The following PACS1 variants were observed in gnomAD, a reference collection of about 807,000 sequenced individuals.
PACS1 encodes phosphofurin acidic cluster sorting protein 1.
A neutral mutation model predicts 115.0 loss-of-function variants in PACS1; 24 were observed. The observed-to-expected ratio is 0.21, with a 90% CI of 0.15 to 0.29. The LOEUF (loss-of-function observed/expected upper bound fraction) is 0.29, where lower values mean the gene tolerates loss of function less well. PACS1 is among the 10% of genes least tolerant of loss of function. The pLI is 1.00. For missense variants in PACS1, 838 were observed against 1,251.2 expected (o/e 0.67, Z 4.98); for synonymous variants, 453 against 504.5 (o/e 0.90, Z 1.37).
intron 1 of PACS1, among the ~76,000 whole-genome samples, chr11:66,080,675 C>G (rs1454670680): frequency 6.6e-6 from 1 of 152,126 alleles, no homozygotes; most frequent in South Asian, 2.1e-4. Context: ...GACACCAGAG[C>G]CGTTTCTGTG....
chr11:66,138,491 T>C (rs1858899254), intron 1 of PACS1, among the ~76,000 whole-genome samples: 1 of 152,102 alleles, frequency 6.6e-6, no homozygotes, highest in African/African-American at 2.4e-5. Flanking sequence ...CCCCACGAAG[T>C]GTGTGAGGAG....
chr11:66,241,825 C>T (rs1464089323), intron 22 of PACS1, among the ~76,000 whole-genome samples, 172 bp downstream of exon 22: 1 of 152,226 alleles, frequency 6.6e-6, no homozygotes, highest in South Asian at 2.1e-4. Context: ...CAAGGCCATT[C>T]CTTCTGTCAT....
intron 2 of PACS1, among the ~76,000 whole-genome samples, chr11:66,198,257 A>G (rs1023613480): frequency 5.9e-5 from 9 of 152,162 alleles, no homozygotes; most frequent in African/African-American, 2.2e-4. Flanking sequence ...TAGCAATTCT[A>G]CTCCTAGGTA....
At chr11:66,109,519 A>G (rs1404421912) in intron 1 of PACS1, among the ~76,000 whole-genome samples, 1 of 152,196 alleles carries the variant, frequency 6.6e-6, no homozygotes, top group Non-Finnish European at 1.5e-5. Context: ...GTCATCACCC[A>G]TCTTTATAGT....
chr11:66,210,770 C>G (rs1855052202), intron 3 of PACS1, among the ~76,000 whole-genome samples: 1 of 152,260 alleles, frequency 6.6e-6, no homozygotes, highest in South Asian at 2.1e-4. Context: ...GTGCCACCAT[C>G]AGCCTCCACG....
intron 1 of PACS1, among the ~76,000 whole-genome samples, chr11:66,134,542 T>C (rs1858796188): frequency 6.7e-6 from 1 of 148,984 alleles, no homozygotes; most frequent in Non-Finnish European, 1.5e-5. Flanking sequence ...TAGGGACAGA[T>C]GGGTTTGTGT....
chr11:66,214,088 T>G (rs1174656231), intron 4 of PACS1, among the ~76,000 whole-genome samples: 1 of 149,298 alleles, frequency 6.7e-6, no homozygotes, highest in Non-Finnish European at 1.5e-5. Flanking sequence ...CATGTACTCA[T>G]TGGTGCAGCT....
intron 19 of PACS1, among the ~76,000 whole-genome samples, chr11:66,237,212 C>T (rs1002270217): frequency 3.3e-5 from 5 of 152,160 alleles, no homozygotes; most frequent in Non-Finnish European, 7.3e-5. Flanking sequence ...CCCCTGTGCA[C>T]GGCATGCCCG....
In PACS1 at chr11:66,220,658, C is replaced by T. The variant is rs751741898; in HGVS notation, c.1066C>T (p.Arg356Cys). The T allele has an allele frequency of 6.8e-6, 11 of 1,614,148 alleles. No homozygotes were observed. The highest frequency in any genetic ancestry group is 2.2e-5 in the East Asian group (1 of 44,888). ...EVGFGLEHVS[R>C]EQIREVEEDL... ...GGGCTTTGGGCTGGAGCATGTGTCC[C>T]GCGAGCAGATCCGGGAAGTGGAAGA... Residue 356 changes from arginine to cysteine, a missense_variant, in exon 9 of 24, where the codon CGC becomes TGC. This residue lies in a region of PACS1 where 223 missense variants were observed against 354.0 expected (regional missense o/e 0.63). Coordinates refer to ENST00000320580, the MANE Select transcript of PACS1 (RefSeq NM_018026.4).
chr11:66,214,742 C>T (rs1424627388), intron 4 of PACS1, among the ~76,000 whole-genome samples: 1 of 151,806 alleles, frequency 6.6e-6, no homozygotes, highest in East Asian at 1.9e-4. Context: ...CCACCTCAGC[C>T]TCCTGAGTAG....
In PACS1 at chr11:66,236,099, G is replaced by C. The variant is rs992290199; in HGVS notation, c.2250+159G>C. Among the ~76,000 whole-genome samples the C allele has an allele frequency of 5.9e-5, 9 of 152,166 alleles. No homozygotes were observed. Among genetic ancestry groups the C allele is most frequent in the African/African-American group, 2.2e-4 (9 of 41,444 alleles). On this transcript the variant is annotated intron_variant, in intron 19 of 23. Transcript: ENST00000320580. The surrounding 1 kb of genome is among the most constrained non-coding windows in gnomAD (Gnocchi z 4.2). ...CCTGGCAGTGTCTGGAGACGTGTTTGGTTGTTATACGGGGGGTACCCAGTG... is the reference window on the plus strand; with the variant it reads ...CCTGGCAGTGTCTGGAGACGTGTTTCGTTGTTATACGGGGGGTACCCAGTG...
rs975843117 is a variant in PACS1 at position 66,243,591 on chromosome 11, C to T, written c.*311C>T. On this transcript the variant is annotated 3_prime_UTR_variant, in exon 24 of 24. Transcript: ENST00000320580. Reference sequence around the variant, plus strand: ...TGAGTCCCCCAGGCCTTCCTTCACCCGACTTCCAAACTCTTCCTTGTGGTA... The same window carrying T: ...TGAGTCCCCCAGGCCTTCCTTCACCTGACTTCCAAACTCTTCCTTGTGGTA... The T allele has an allele frequency of 4.8e-5, 15 of 310,576 alleles. No homozygotes were observed. The highest frequency in any genetic ancestry group is 2.9e-4 in the East Asian group (5 of 17,202). 19.2% of individuals were successfully genotyped at this position (310,576 alleles called of 1,614,324 possible).
chr11:66,107,907 A>G (rs1433749883), intron 1 of PACS1, among the ~76,000 whole-genome samples: 1 of 152,088 alleles, frequency 6.6e-6, no homozygotes, highest in Non-Finnish European at 1.5e-5. Context: ...ATCCTAATCT[A>G]CCCACTTAGG....
intron 1 of PACS1, among the ~76,000 whole-genome samples, chr11:66,126,675 T>A (rs1213795230): frequency 6.7e-6 from 1 of 148,240 alleles, no homozygotes; most frequent in Admixed American, 6.9e-5. Flanking sequence ...AATCTGCACT[T>A]GTCCTAGGTG....
At position 66,236,074 on chromosome 11, in the gene PACS1, C is replaced by T; in HGVS notation, c.2250+134C>T. 1 of 837,892 alleles carries T rather than the reference C, an allele frequency of 1.2e-6. No homozygotes were observed. Among genetic ancestry groups the T allele is most frequent in the South Asian group, 1.4e-5 (1 of 73,590 alleles). The allele number at this position is 837,892 out of a possible 1,614,324, so 51.9% of individuals were successfully genotyped here. ...CTGGAGATTTTGCCTCCAGGGACTACCTGGCAGTGTCTGGAGACGTGTTTG... is the reference window on the plus strand; with the variant it reads ...CTGGAGATTTTGCCTCCAGGGACTATCTGGCAGTGTCTGGAGACGTGTTTG... On this transcript the variant is annotated intron_variant, in intron 19 of 23. Coordinates refer to ENST00000320580, the MANE Select transcript of PACS1 (RefSeq NM_018026.4). The surrounding 1 kb of genome is among the most constrained non-coding windows in gnomAD (Gnocchi z 4.2).
intron 16 of PACS1, 43 bp from the exon 17 acceptor site, chr11:66,234,089 C>T (rs375230947): frequency 8.3e-5 from 127 of 1,536,516 alleles, no homozygotes; most frequent in Non-Finnish European, 1.1e-4. Context: ...CACACTGTCT[C>T]ATCTCCTGAC....
At chr11:66,180,814 A>G (rs891991137) in intron 1 of PACS1, among the ~76,000 whole-genome samples, 1 of 152,096 alleles carries the variant, frequency 6.6e-6, no homozygotes, top group Non-Finnish European at 1.5e-5. Context: ...ATGAGCCACC[A>G]TACTTAACAG....
chr11:66,077,703 GTT>G (rs34935652), intron 1 of PACS1, among the ~76,000 whole-genome samples: 2 of 131,268 alleles, frequency 1.5e-5, no homozygotes. Flanking sequence ...TTGTAAGTTT[GTT>G]TTTTTTTTTT....
At chr11:66,091,886 G>A (rs1036149337) in intron 1 of PACS1, among the ~76,000 whole-genome samples, 10 of 152,096 alleles carry the variant, frequency 6.6e-5, no homozygotes, top group African/African-American at 1.9e-4. Context: ...ATTCCATGGT[G>A]TATATGTGCC....
Sources: gnomAD v4.1 joint callset for allele counts (sites outside exome capture counted in the v4.1 genomes callset) on GRCh38, gnomAD v4.1.1 for gene constraint, gnomAD v4.1.1 regional missense constraint, Gnocchi (gnomAD v3.1) non-coding constraint, MANE v1.5 for transcripts, NCBI Gene and HGNC (gene_info 2026-07-23, HGNC 2026-07-21) for gene names.